FCGR2B: variants seen among roughly 807,000 people sequenced by gnomAD.
The protein encoded by FCGR2B is Fc gamma receptor IIb.
A neutral mutation model predicts 24.8 loss-of-function variants in FCGR2B; 18 were observed. The ratio of observed to expected loss-of-function variants is 0.73; its 90% CI spans 0.50 to 1.08. The LOEUF (loss-of-function observed/expected upper bound fraction) is 1.08. Ranked by LOEUF, FCGR2B falls within the 50% of genes least tolerant of loss-of-function variation. The pLI, the probability that FCGR2B is intolerant of heterozygous loss-of-function variation, is 0.00. For missense variants in FCGR2B, 215 were observed against 297.6 expected (o/e 0.72, Z 2.04); for synonymous variants, 79 against 109.8 (o/e 0.72, Z 1.75).
intron 6 of FCGR2B, 156 bp downstream of exon 6, chr1:161,675,469 T>G (rs1674759): frequency 0.84 from 454,648 of 541,980 alleles, 191,533 homozygotes; most frequent in Non-Finnish European, 0.86. Context: ...GGTCAGCTCT[T>G]AGTCTAACTC....
intron 4 of FCGR2B, 186 bp from the exon 5 acceptor site, chr1:161,673,774 A>G (rs1048158555): frequency 2.4e-5 from 12 of 491,096 alleles, no homozygotes; most frequent in African/African-American, 2.3e-4. Flanking sequence ...AAACCTCGGT[A>G]AGCAGGAGGC....
At chr1:161,650,019 T>G in the FCGR2B span, among the ~76,000 whole-genome samples, 1 of 150,840 alleles carries the variant, frequency 6.6e-6, no homozygotes, top group African/African-American at 2.4e-5. Flanking sequence ...ATGTGTGTTT[T>G]ATTTTTTAGA....
intron 4 of FCGR2B, 197 bp downstream of exon 4, chr1:161,673,426 G>A (rs745523557): frequency 2.0e-5 from 15 of 761,312 alleles, no homozygotes; most frequent in Middle Eastern, 2.3e-4. Context: ...GCCCTCAGGT[G>A]ATAGGTGACC....
At position 161,678,604 on chromosome 1, in the gene FCGR2B, GTCT is replaced by G. The variant is rs1682325201; in HGVS notation, c.*1058_*1060del. On this transcript the variant is annotated 3_prime_UTR_variant, in exon 8 of 8. Coordinates refer to ENST00000358671, the MANE Select transcript of FCGR2B (RefSeq NM_001394477.1). The stretch of plus-strand genomic sequence containing the variant: ...AATGACCTTGTATTCTTGTTTCCAT[GTCT>G]TCTTCTCTTTCCTCCTATGGCAAAT... 4.8e-6 allele frequency: 1 copy of G among 208,408 alleles called. No individual in the cohort carries two copies. The highest frequency in any genetic ancestry group is 7.3e-5 in the East Asian group (1 of 13,748). The allele number at this position is 208,408 out of a possible 1,614,324, so 12.9% of individuals were successfully genotyped here.
At chr1:161,651,802 G>A in the FCGR2B span, among the ~76,000 whole-genome samples, 1 of 124,048 alleles carries the variant, frequency 8.1e-6, no homozygotes, top group African/African-American at 2.7e-5. Flanking sequence ...TCGTGATGGC[G>A]CATGCCTGTA....
the FCGR2B span, among the ~76,000 whole-genome samples, chr1:161,650,593 A>G: frequency 6.8e-6 from 1 of 146,264 alleles, no homozygotes; most frequent in Admixed American, 6.9e-5. Flanking sequence ...GTAATAGCCA[A>G]AAGTGTCTCC....
chr1:161,677,243 C>A, intron 6 of FCGR2B, 85 bp from the exon 7 acceptor site: 1 of 1,331,242 alleles, frequency 7.5e-7, no homozygotes, highest in Non-Finnish European at 1.1e-6. Context: ...CTAGTTTGGG[C>A]GTTGGTTTTG....
chr1:161,648,481 T>C, the FCGR2B span, among the ~76,000 whole-genome samples: 3 of 150,052 alleles, frequency 2.0e-5, no homozygotes, highest in East Asian at 5.9e-4. Context: ...TGACTTATTA[T>C]CTTTTTATGT....
chr1:161,652,463 A>G, the FCGR2B span, among the ~76,000 whole-genome samples: 5 of 133,252 alleles, frequency 3.8e-5, 2 homozygotes, highest in Non-Finnish European at 8.5e-5. Flanking sequence ...CTCTTCATAT[A>G]GTTTCTATCT....
intron 3 of FCGR2B, chr1:161,671,860 G>C (rs1380522060): frequency 9.8e-6 from 9 of 917,756 alleles, no homozygotes; most frequent in Non-Finnish European, 1.4e-5. Context: ...AAGTGTGAGA[G>C]AAGCAGAAGG....
At chr1:161,676,082 G>T (rs1286874101) in intron 6 of FCGR2B, 3 of 231,154 alleles carry the variant, frequency 1.3e-5, no homozygotes, top group Non-Finnish European at 2.6e-5. Context: ...CCCTGGCCCA[G>T]GTGGGAGTGT....
upstream of FCGR2B, among the ~76,000 whole-genome samples, chr1:161,661,088 T>TAAAGA (rs1557894631): frequency 2.6e-5 from 1 of 38,312 alleles, no homozygotes; most frequent in Non-Finnish European, 5.6e-5. Flanking sequence ...GAAAGTAAAG[T>TAAAGA]AAAGTAAAAA....
chr1:161,677,221 C>T (rs916522499), intron 6 of FCGR2B, 107 bp from the exon 7 acceptor site: 4 of 1,078,442 alleles, frequency 3.7e-6, no homozygotes, highest in African/African-American at 3.1e-5. Context: ...GTCAGCAGTG[C>T]TTGCTTTGGC....
intron 2 of FCGR2B, among the ~76,000 whole-genome samples, chr1:161,671,077 G>A (rs1380630210): frequency 1.3e-5 from 2 of 152,128 alleles, no homozygotes; most frequent in Admixed American, 6.5e-5. Context: ...CTGTGCTGGT[G>A]GGGAGAGGTT....
Position 161,669,625 on chromosome 1 carries a change from G to A in FCGR2B, c.113-627G>A, listed in dbSNP as rs58945596. On this transcript the variant is annotated intron_variant, in intron 1 of 7. Transcript: ENST00000358671. ...AAAATAAAATAAAATAAAATAAAATGACAACATAGAAACAGATTCATCTTC... is the reference window on the plus strand; with the variant it reads ...AAAATAAAATAAAATAAAATAAAATAACAACATAGAAACAGATTCATCTTC... Among the ~76,000 whole-genome samples, 20 of 121,840 alleles carry A rather than the reference G, an allele frequency of 1.6e-4. 1 individual carries two copies. Among genetic ancestry groups the A allele is most frequent in the African/African-American group, 3.6e-4 (12 of 33,394 alleles). 79.9% of individuals were successfully genotyped at this position (121,840 alleles called of 152,430 possible).
At chr1:161,647,701 T>G in the FCGR2B span, among the ~76,000 whole-genome samples, 3 of 151,000 alleles carry the variant, frequency 2.0e-5, no homozygotes, top group African/African-American at 7.3e-5. Flanking sequence ...GTAAACTGGA[T>G]TCCTTCGTCC....
the FCGR2B span, among the ~76,000 whole-genome samples, chr1:161,648,203 C>T: frequency 6.7e-6 from 1 of 148,258 alleles, no homozygotes; most frequent in Admixed American, 6.8e-5. Flanking sequence ...CGTGGGGCAG[C>T]TGTGATATTA....
rs1489091723 is a variant in FCGR2B at position 161,678,121 on chromosome 1, C to G, written c.*568C>G. On this transcript the variant is annotated 3_prime_UTR_variant, in exon 8 of 8. Transcript: ENST00000358671. ...AGACTGAACTGCCTGGGGTCTGTTT[C>G]TCTTCAGTGATGAGACTCTTAGGAA... is the stretch of plus-strand genomic sequence containing the variant. 4.5e-6 allele frequency: 1 copy of G among 221,286 alleles called. No homozygotes were observed. Among genetic ancestry groups the G allele is most frequent in the Non-Finnish European group, 9.0e-6 (1 of 110,740 alleles). 13.7% of individuals were successfully genotyped at this position (221,286 alleles called of 1,614,324 possible).
chr1:161,649,979 G>T, the FCGR2B span, among the ~76,000 whole-genome samples: 2 of 150,352 alleles, frequency 1.3e-5, no homozygotes, highest in African/African-American at 4.9e-5. Flanking sequence ...AGAAATAAGT[G>T]AATTTTGTTT....
Sources: gnomAD v4.1 joint callset for allele counts (sites outside exome capture counted in the v4.1 genomes callset) on GRCh38, gnomAD v4.1.1 for gene constraint, MANE v1.5 for transcripts, NCBI Gene and HGNC (gene_info 2026-07-23, HGNC 2026-07-21) for gene names.